Variants in AGBL4 observed in about 807,000 individuals in gnomAD.
AGBL4 encodes cytosolic carboxypeptidase 6.
A neutral mutation model predicts 66.4 loss-of-function variants in AGBL4; 58 were observed. The observed-to-expected ratio is 0.87, with a 90% CI of 0.71 to 1.09. The LOEUF (loss-of-function observed/expected upper bound fraction) is 1.09, where lower values mean the gene tolerates loss of function less well. Ranked by LOEUF, AGBL4 falls within the 50% of genes least tolerant of loss-of-function variation. The pLI, the probability that AGBL4 is intolerant of heterozygous loss-of-function variation, is 0.00. For synonymous variants in AGBL4, 234 were observed against 222.9 expected, an observed-to-expected ratio of 1.05 and a Z score of -0.44; for missense variants, 579 against 631.0, an observed-to-expected ratio of 0.92 and a Z score of 0.88.
chr1:49,347,433 A>C (rs1645655724), intron 3 of AGBL4, among the ~76,000 whole-genome samples: 1 of 151,638 alleles, frequency 6.6e-6, no homozygotes, highest in Non-Finnish European at 1.5e-5. Flanking sequence ...TTGTATCTTT[A>C]GTAGAGACGG....
intron 4 of AGBL4, among the ~76,000 whole-genome samples, chr1:49,070,463 G>C (rs1644579223): frequency 6.6e-6 from 1 of 151,872 alleles, no homozygotes; most frequent in Non-Finnish European, 1.5e-5. Flanking sequence ...TTTTGTTGAA[G>C]GCCTTTTCTG....
At chr1:49,204,790 C>T (rs115164779) in intron 4 of AGBL4, among the ~76,000 whole-genome samples, 9 of 152,172 alleles carry the variant, frequency 5.9e-5, no homozygotes, top group Non-Finnish European at 1.3e-4. Flanking sequence ...ACTCTGAAAC[C>T]CCTGCACAGA....
intron 5 of AGBL4, among the ~76,000 whole-genome samples, chr1:48,990,471 T>C (rs1235312871): frequency 1.3e-5 from 2 of 152,154 alleles, no homozygotes; most frequent in African/African-American, 4.8e-5. Context: ...AAGACCAATG[T>C]CCTGGAGAGG....
At chr1:48,873,390 C>T (rs1008699718) in intron 5 of AGBL4, among the ~76,000 whole-genome samples, 4 of 152,174 alleles carry the variant, frequency 2.6e-5, no homozygotes, top group African/African-American at 9.6e-5. Flanking sequence ...ACTCACGCTA[C>T]CTCTGCTGTA....
At chr1:49,198,625 G>A (rs1477391126) in intron 4 of AGBL4, among the ~76,000 whole-genome samples, 1 of 152,040 alleles carries the variant, frequency 6.6e-6, no homozygotes, top group Non-Finnish European at 1.5e-5. Context: ...CGGGCGTGAA[G>A]CACACCCGGC....
intron 3 of AGBL4, among the ~76,000 whole-genome samples, chr1:49,663,712 C>T (rs1340294809): frequency 6.6e-6 from 1 of 151,230 alleles, no homozygotes; most frequent in Non-Finnish European, 1.5e-5. Context: ...AAAATGATAA[C>T]AGAATAAGAT....
intron 4 of AGBL4, among the ~76,000 whole-genome samples, chr1:49,054,236 A>C (rs1571335928): frequency 6.6e-6 from 1 of 152,096 alleles, no homozygotes; most frequent in Admixed American, 6.6e-5. Context: ...TATCAAAGTC[A>C]ACAGATATAT....
At chr1:49,618,101 G>A (rs1645284845) in intron 3 of AGBL4, among the ~76,000 whole-genome samples, 1 of 152,090 alleles carries the variant, frequency 6.6e-6, no homozygotes, top group South Asian at 2.1e-4. Context: ...GAGAACATGT[G>A]GTGTTTGGTT....
At chr1:49,409,470 T>C (rs1645272864) in intron 3 of AGBL4, among the ~76,000 whole-genome samples, 2 of 152,004 alleles carry the variant, frequency 1.3e-5, no homozygotes, top group South Asian at 2.1e-4. Flanking sequence ...GGGATGGAAG[T>C]ATATAATTTG....
At chr1:49,254,367 A>G (rs1652309087) in intron 3 of AGBL4, among the ~76,000 whole-genome samples, 1 of 152,204 alleles carries the variant, frequency 6.6e-6, no homozygotes, top group African/African-American at 2.4e-5. Context: ...TCTATACCAC[A>G]AAACAGTCAA....
intron 3 of AGBL4, among the ~76,000 whole-genome samples, chr1:49,497,226 G>A (rs1230404233): frequency 4.0e-5 from 6 of 151,784 alleles, no homozygotes; most frequent in African/African-American, 1.5e-4. Context: ...AGGGTTATTT[G>A]TTTTCTTGCT....
chr1:49,372,097 AG>A (rs1451273470), intron 3 of AGBL4, among the ~76,000 whole-genome samples: 1 of 152,170 alleles, frequency 6.6e-6, no homozygotes, highest in East Asian at 1.9e-4. Context: ...TATCCTGCTT[AG>A]AAGACATTAC....
At chr1:49,224,569 A>G (rs1157002104) in intron 4 of AGBL4, among the ~76,000 whole-genome samples, 1 of 142,854 alleles carries the variant, frequency 7.0e-6, no homozygotes, top group Non-Finnish European at 1.5e-5. Flanking sequence ...GTGAGCCCAG[A>G]TTGCGCCACT....
At chr1:48,851,539 G>A (rs969602061) in intron 6 of AGBL4, among the ~76,000 whole-genome samples, 2 of 152,114 alleles carry the variant, frequency 1.3e-5, no homozygotes, top group African/African-American at 4.8e-5. Flanking sequence ...GAGCCCACCT[G>A]ACAAACTCAT....
chr1:48,552,894 T>TA (rs1644270088), intron 11 of AGBL4, among the ~76,000 whole-genome samples: 3 of 151,970 alleles, frequency 2.0e-5, no homozygotes, highest in South Asian at 2.1e-4. Context: ...GTAAGACGGT[T>TA]ATCTAATCAC....
At chr1:49,283,408 G>A (rs568569079) in intron 3 of AGBL4, among the ~76,000 whole-genome samples, 10 of 152,304 alleles carry the variant, frequency 6.6e-5, no homozygotes, top group East Asian at 3.9e-4. Flanking sequence ...AGATAAAACT[G>A]CAAAGATGGG....
At chr1:49,972,450 C>T (rs1437844152) in intron 1 of AGBL4, among the ~76,000 whole-genome samples, 3 of 152,110 alleles carry the variant, frequency 2.0e-5, no homozygotes, top group African/African-American at 7.2e-5. Flanking sequence ...TGAGTTATTT[C>T]ACTGAGGATA....
At position 49,749,873 on chromosome 1, in the gene AGBL4, T is replaced by C. The variant is rs1651312518; in HGVS notation, c.158-52436A>G. Among the ~76,000 whole-genome samples the C allele has an allele frequency of 3.9e-5, 6 of 152,240 alleles. No individual in the cohort carries two copies. In the South Asian group the frequency reaches 1.2e-3, roughly 32 times the overall value. ...TCTCATTCTACATCGTATATGAAAA[T>C]GTAATAGAATGTCATCAAAGCAATT... On this transcript the variant is annotated intron_variant, in intron 2 of 13. Coordinates refer to ENST00000371839, the MANE Select transcript of AGBL4 (RefSeq NM_032785.4).
At chr1:49,992,672 G>A (rs1047030239) in intron 1 of AGBL4, among the ~76,000 whole-genome samples, 1 of 151,736 alleles carries the variant, frequency 6.6e-6, no homozygotes, top group Non-Finnish European at 1.5e-5. Flanking sequence ...ATTCCTTTAG[G>A]AGTCTCTGAG....
Sources: gnomAD v4.1 joint callset for allele counts (sites outside exome capture counted in the v4.1 genomes callset) on GRCh38, gnomAD v4.1.1 for gene constraint, MANE v1.5 for transcripts, NCBI Gene and HGNC (gene_info 2026-07-23, HGNC 2026-07-21) for gene names.